The following DIP2B variants were observed in gnomAD, a reference collection of about 807,000 sequenced individuals.
DIP2B encodes the protein DIP2 acetate--CoA ligase B (putative), also known as disco-interacting protein 2 homolog B.
In DIP2B, 76 loss-of-function variants were observed where a neutral mutation model predicts 198.0. The observed-to-expected ratio is 0.38, with a 90% CI of 0.32 to 0.46. DIP2B has a LOEUF of 0.46. DIP2B is among the 20% of genes least tolerant of loss of function. DIP2B has a pLI of 0.99. For synonymous variants in DIP2B, 701 were observed against 739.1 expected, an observed-to-expected ratio of 0.95 and a Z score of 0.84; for missense variants, 1,559 against 1,978.4, an observed-to-expected ratio of 0.79 and a Z score of 4.02.
intron 7 of DIP2B, among the ~76,000 whole-genome samples, chr12:50,676,514 T>C (rs886190385): frequency 1.3e-5 from 2 of 152,212 alleles, no homozygotes; most frequent in Non-Finnish European, 2.9e-5. Context: ...ACGCCAGCAA[T>C]AGCCTTTCCA....
intron 1 of DIP2B, among the ~76,000 whole-genome samples, chr12:50,520,699 A>G (rs1049884157): frequency 6.6e-6 from 1 of 152,204 alleles, no homozygotes; most frequent in Non-Finnish European, 1.5e-5. Context: ...AAATTATCTT[A>G]AAGTTAGGAA....
chr12:50,738,797 A>G (rs1940183945), intron 35 of DIP2B, among the ~76,000 whole-genome samples: 2 of 152,166 alleles, frequency 1.3e-5, no homozygotes, highest in Non-Finnish European at 2.9e-5. Context: ...AAAATTTTTA[A>G]ATGTTAGTAG....
intron 3 of DIP2B, among the ~76,000 whole-genome samples, chr12:50,646,779 G>A (rs947128018): frequency 6.6e-6 from 1 of 151,918 alleles, no homozygotes; most frequent in Non-Finnish European, 1.5e-5. Flanking sequence ...TTTAATGCTG[G>A]GAGCTAAATG....
At chr12:50,649,793 C>A (rs1363345429) in intron 3 of DIP2B, among the ~76,000 whole-genome samples, 1 of 151,888 alleles carries the variant, frequency 6.6e-6, no homozygotes, top group Non-Finnish European at 1.5e-5. Flanking sequence ...GAGGTGGAGG[C>A]TGCTGTGAGC....
intron 1 of DIP2B, among the ~76,000 whole-genome samples, chr12:50,624,450 A>T (rs1436967243): frequency 1.3e-5 from 2 of 152,110 alleles, no homozygotes; most frequent in African/African-American, 2.4e-5. Flanking sequence ...CTCCTGCCTC[A>T]GTCTCCTGAG....
At chr12:50,658,731 ATGT>A (rs1384359908) in intron 3 of DIP2B, among the ~76,000 whole-genome samples, 3 of 152,138 alleles carry the variant, frequency 2.0e-5, no homozygotes, top group Non-Finnish European at 4.4e-5. Context: ...CTTAAAAGTT[ATGT>A]TGTTGGTCTG....
At chr12:50,527,669 C>T (rs960195784) in intron 1 of DIP2B, among the ~76,000 whole-genome samples, 3 of 152,144 alleles carry the variant, frequency 2.0e-5, no homozygotes, top group East Asian at 1.9e-4. Context: ...ATGATCGTGC[C>T]ACTACACTCT....
At chr12:50,544,864 G>A (rs909348325) in intron 1 of DIP2B, among the ~76,000 whole-genome samples, 4 of 151,938 alleles carry the variant, frequency 2.6e-5, no homozygotes, top group South Asian at 2.1e-4. Flanking sequence ...TGATCTGCCC[G>A]CCTTGGCCTC....
intron 1 of DIP2B, among the ~76,000 whole-genome samples, chr12:50,515,326 C>T (rs771197773): frequency 6.6e-6 from 1 of 151,810 alleles, no homozygotes; most frequent in Non-Finnish European, 1.5e-5. Flanking sequence ...CCCCCTCTCC[C>T]GGGTTAAAAC....
Position 50,529,727 on chromosome 12 carries a change from C to T in DIP2B, c.100+24487C>T, listed in dbSNP as rs571463023. ...TCCAAAAAGTAGCCGGGTGTGGTGG[C>T]GTGTGCCTGTAATCCCAACTACTCA... On this transcript the variant is annotated intron_variant, in intron 1 of 37. Coordinates refer to ENST00000301180, the MANE Select transcript of DIP2B (RefSeq NM_173602.3). Among the ~76,000 whole-genome samples, 12 of 152,042 alleles carry T rather than the reference C, an allele frequency of 7.9e-5. No individual in the cohort carries two copies. The South Asian group carries it at 1.2e-3, about 16-fold the overall frequency.
chr12:50,505,741 C>A (rs527563349), intron 1 of DIP2B, among the ~76,000 whole-genome samples: 4 of 152,250 alleles, frequency 2.6e-5, no homozygotes, highest in African/African-American at 9.6e-5. Context: ...CGATGCCTCC[C>A]CAGTGACAGG....
chr12:50,676,663 G>C (rs966811671), intron 7 of DIP2B, among the ~76,000 whole-genome samples: 1 of 152,322 alleles, frequency 6.6e-6, no homozygotes, highest in East Asian at 1.9e-4. Flanking sequence ...ATAGTTGCTT[G>C]TTTGAGTAAT....
chr12:50,714,640 C>G (rs981360125), intron 23 of DIP2B, 44 bp downstream of exon 23: 1 of 1,606,850 alleles, frequency 6.2e-7, no homozygotes, highest in African/African-American at 1.3e-5. Flanking sequence ...ATTCCAACTT[C>G]AAGAAGCTGG....
intron 3 of DIP2B, among the ~76,000 whole-genome samples, chr12:50,657,404 G>C (rs548570702): frequency 6.6e-6 from 1 of 152,232 alleles, no homozygotes; most frequent in East Asian, 1.9e-4. Flanking sequence ...TTATTTAGCA[G>C]ATACCATAGT....
chr12:50,651,488 T>G (rs1938452214), intron 3 of DIP2B, among the ~76,000 whole-genome samples: 1 of 152,222 alleles, frequency 6.6e-6, no homozygotes, highest in Admixed American at 6.5e-5. Context: ...TAATCTATTT[T>G]GAGTCAATTT....
rs147209367 is a variant in DIP2B at position 50,708,556 on chromosome 12, G to A, written c.2643G>A (p.Val881=). The change falls in exon 22 of 38, where the codon GTG becomes GTA. Residue 881 remains valine (V), a synonymous_variant. Transcript: ENST00000301180. ...EEDSFQWMSR[V]LQAIDSIHQV... ...ATAGTTTCCAGTGGATGAGCCGCGT[G>A]CTGCAGGTGAGCACACTTTGGGGTC... The A allele has an allele frequency of 3.8e-6, 6 of 1,587,532 alleles. No homozygotes were observed. The highest frequency in any genetic ancestry group is 5.1e-6 in the Non-Finnish European group (6 of 1,165,458).
chr12:50,549,697 T>TAAAAAAA (rs56326368), intron 1 of DIP2B, among the ~76,000 whole-genome samples: 4 of 64,788 alleles, frequency 6.2e-5, no homozygotes, highest in Non-Finnish European at 8.3e-5. Context: ...GACTCCATCT[T>TAAAAAAA]AAAAAAAAAA....
In DIP2B at chr12:50,597,253, C is replaced by T. The variant is rs568132068; in HGVS notation, c.101-28723C>T. ...AATAGCACATGTTGGAATGGGGAAA[C>T]TATTAATTATTTGACAACATAACTA... On this transcript the variant is annotated intron_variant, in intron 1 of 37. Transcript: ENST00000301180. 7.6e-4 allele frequency among the ~76,000 whole-genome samples: 116 copies of T among 152,240 alleles called. No homozygotes were observed. The South Asian group carries it at 7.9e-3, about 10-fold the overall frequency.
chr12:50,737,813 CA>C (rs1940164866), intron 35 of DIP2B, among the ~76,000 whole-genome samples: 4 of 152,242 alleles, frequency 2.6e-5, no homozygotes, highest in Admixed American at 2.0e-4. Flanking sequence ...GTCTCGAACT[CA>C]TGAGTTCAGG....
Sources: gnomAD v4.1 joint callset for allele counts (sites outside exome capture counted in the v4.1 genomes callset) on GRCh38, gnomAD v4.1.1 for gene constraint, MANE v1.5 for transcripts, NCBI Gene and HGNC (gene_info 2026-07-23, HGNC 2026-07-21) for gene names.